The following NLRC5 variants were observed in gnomAD, a reference collection of about 807,000 sequenced individuals.
NLRC5 encodes NLR family CARD domain containing 5, also known as protein NLRC5.
In NLRC5, 114 loss-of-function variants were observed where a neutral mutation model predicts 206.9. That is an observed-to-expected ratio of 0.55 (90% CI 0.47 to 0.64). NLRC5 has a LOEUF of 0.64. Among genes scored for constraint, NLRC5 ranks in the 30% least tolerant of loss-of-function variants. The probability of loss-of-function intolerance (pLI) is 0.00; values close to 1 mark genes in which losing one functional copy is unlikely to be tolerated. For synonymous variants in NLRC5, 952 were observed against 962.8 expected, an observed-to-expected ratio of 0.99 and a Z score of 0.21; for missense variants, 2,008 against 2,305.5, an observed-to-expected ratio of 0.87 and a Z score of 2.64.
At chr16:57,045,585 T>G in intron 21 of NLRC5, 93 bp downstream of exon 21, 1 of 1,251,072 alleles carries the variant, frequency 8.0e-7, no homozygotes, top group Non-Finnish European at 1.2e-6. Context: ...TGCTGACCAC[T>G]CAGCTCTCAG....
chr16:57,059,110 T>A (rs2066069990), intron 29 of NLRC5, 49 bp downstream of exon 29: 1 of 1,612,470 alleles, frequency 6.2e-7, no homozygotes, highest in Non-Finnish European at 8.5e-7. Flanking sequence ...GGCCAACAGG[T>A]GCCCCTGGCT....
intron 1 of NLRC5, among the ~76,000 whole-genome samples, chr16:56,995,812 T>A (rs1403675047): frequency 1.3e-5 from 2 of 152,234 alleles, no homozygotes; most frequent in Non-Finnish European, 2.9e-5. Context: ...TTCTTGAAGG[T>A]GTCCTGTGTG....
At chr16:57,028,984 A>G (rs148603892) in intron 8 of NLRC5, among the ~76,000 whole-genome samples, 1 of 152,170 alleles carries the variant, frequency 6.6e-6, no homozygotes, top group Non-Finnish European at 1.5e-5. Context: ...CCCTGGCAGA[A>G]CGCTGCTAGT....
intron 32 of NLRC5, chr16:57,062,466 CCACAGCTTTCTGTTTCATGT>C (rs2066637969): frequency 4.2e-6 from 1 of 238,370 alleles, no homozygotes; most frequent in East Asian, 1.2e-4. Flanking sequence ...CATCCCCTCA[CCACAGCTTTCTGTTTCATGT>C]CAGTGTCTGT....
chr16:57,028,723 CA>C (rs1385380588), intron 8 of NLRC5, among the ~76,000 whole-genome samples: 1 of 152,216 alleles, frequency 6.6e-6, no homozygotes, highest in Non-Finnish European at 1.5e-5. Context: ...CATGAAGCAC[CA>C]CACACCTTCA....
Position 57,025,365 on chromosome 16 carries a change from C to G in NLRC5, c.425-3C>G. 1 of 1,531,660 alleles carries G rather than the reference C, an allele frequency of 6.5e-7. No homozygotes were observed. The highest frequency in any genetic ancestry group is 8.8e-7 in the Non-Finnish European group (1 of 1,140,538). 94.9% of individuals were successfully genotyped at this position (1,531,660 alleles called of 1,614,324 possible). A position where few individuals can be genotyped will look rare whatever the true frequency, so the allele number is the denominator to read the frequency against. The stretch of plus-strand genomic sequence containing the variant: ...CCTCATGCCATGTCCCTGCCCCTTG[C>G]AGAGTTGGCCAAGAAGTACCTGCAG... On this transcript the variant is annotated splice_region_variant and splice_polypyrimidine_tract_variant and intron_variant, in intron 5 of 48. Coordinates refer to ENST00000688547, the MANE Select transcript of NLRC5 (RefSeq NM_001384950.1).
chr16:57,015,870 A>C (rs2060011913), intron 1 of NLRC5, among the ~76,000 whole-genome samples: 1 of 138,264 alleles, frequency 7.2e-6, no homozygotes, highest in Admixed American at 8.0e-5. Context: ...GGTTGTGGTG[A>C]GCCGAGATCA....
intron 23 of NLRC5, 94 bp from the exon 24 acceptor site, chr16:57,051,444 T>A (rs2064886754): frequency 1.2e-6 from 1 of 863,184 alleles, no homozygotes; most frequent in South Asian, 1.4e-5. Context: ...TGACCCTGGT[T>A]AGGTCCCATC....
intron 8 of NLRC5, among the ~76,000 whole-genome samples, chr16:57,029,149 C>T (rs1386458266): frequency 2.0e-5 from 3 of 152,206 alleles, no homozygotes; most frequent in Non-Finnish European, 2.9e-5. Context: ...CGTGATTAAG[C>T]CAAGGTTCAG....
chr16:57,026,092 G>A lies in NLRC5; in HGVS notation c.1149G>A (p.Gln383=), dbSNP rs528088895. 1.9e-6 allele frequency: 3 copies of A among 1,614,100 alleles called. No homozygotes were observed. The highest frequency in any genetic ancestry group is 4.5e-5 in the East Asian group (2 of 44,878). The part of the protein sequence containing the change: ...EEYVNHFFSA[Q]PSREGALVEL... ...ATGTGAATCACTTCTTCAGCGCCCA[G>A]CCATCGCGGGAGGGGGCCCTGGTGG... Residue 383 remains glutamine (Q), a synonymous_variant, in exon 6 of 49, where the codon CAG becomes CAA. Coordinates refer to ENST00000688547, the MANE Select transcript of NLRC5 (RefSeq NM_001384950.1).
intron 23 of NLRC5, chr16:57,048,005 C>T (rs1338861701): frequency 4.4e-6 from 1 of 229,198 alleles, no homozygotes. Flanking sequence ...TCAAGGCACC[C>T]CCACTCTCCT....
intron 10 of NLRC5, among the ~76,000 whole-genome samples, chr16:57,031,128 ACT>A (rs1477208064): frequency 2.6e-5 from 4 of 151,786 alleles, no homozygotes; most frequent in African/African-American, 9.7e-5. Context: ...AAAAAAAAAA[ACT>A]CACAACATTC....
chr16:57,047,794 G>C (rs778141029), intron 23 of NLRC5, 166 bp downstream of exon 23: 2 of 641,272 alleles, frequency 3.1e-6, no homozygotes, highest in Non-Finnish European at 2.8e-6. Context: ...GCTGTCTCTC[G>C]GCAGCCCCCA....
chr16:57,049,319 C>T (rs528315211), intron 23 of NLRC5, among the ~76,000 whole-genome samples: 1 of 152,158 alleles, frequency 6.6e-6, no homozygotes, highest in Non-Finnish European at 1.5e-5. Context: ...AGCACTCTTA[C>T]GTGATTTGAC....
intron 36 of NLRC5, 89 bp downstream of exon 36, chr16:57,067,917 CTCTTACTCTGTG>C (rs2067238341): frequency 1.9e-6 from 2 of 1,044,124 alleles, no homozygotes; most frequent in Non-Finnish European, 1.5e-6. Flanking sequence ...GCTCAGAGGA[CTCTTACTCTGTG>C]TCTTACTCTG....
chr16:57,065,616 CT>C (rs1191274901), intron 33 of NLRC5, among the ~76,000 whole-genome samples: 3 of 152,188 alleles, frequency 2.0e-5, no homozygotes, highest in Admixed American at 1.3e-4. Context: ...CACATTATGG[CT>C]CTTCAACCAG....
At chr16:57,039,020 G>T (rs1161196340) in intron 15 of NLRC5, among the ~76,000 whole-genome samples, 2 of 150,528 alleles carry the variant, frequency 1.3e-5, no homozygotes, top group African/African-American at 4.9e-5. Flanking sequence ...ATAATTATTT[G>T]TCATCCCTGC....
chr16:57,044,181 A>G (rs1363069158), intron 20 of NLRC5, among the ~76,000 whole-genome samples: 1 of 150,232 alleles, frequency 6.7e-6, no homozygotes, highest in African/African-American at 2.4e-5. Flanking sequence ...CGTGGTTGTG[A>G]GCCCTTGTAG....
intron 46 of NLRC5, among the ~76,000 whole-genome samples, chr16:57,080,383 C>A (rs1200030157): frequency 6.6e-6 from 1 of 151,910 alleles, no homozygotes; most frequent in Non-Finnish European, 1.5e-5. Flanking sequence ...GAAGTTAATA[C>A]CATTGTTTGT....
Sources: gnomAD v4.1 joint callset for allele counts (sites outside exome capture counted in the v4.1 genomes callset) on GRCh38, gnomAD v4.1.1 for gene constraint, MANE v1.5 for transcripts, NCBI Gene and HGNC (gene_info 2026-07-23, HGNC 2026-07-21) for gene names.